The following SHARPIN variants were observed in gnomAD, a reference collection of about 807,000 sequenced individuals.
SHARPIN encodes hSIPL1.
SHARPIN carries 25 observed loss-of-function variants against 40.3 expected under a neutral mutation model. That is an observed-to-expected ratio of 0.62 (90% CI 0.45 to 0.87). The LOEUF is 0.87. Among genes scored for constraint, SHARPIN ranks in the 40% least tolerant of loss-of-function variants. SHARPIN has a pLI of 0.00. For synonymous variants in SHARPIN, 274 were observed against 221.8 expected (o/e 1.24, Z -2.09); for missense variants, 551 against 516.1 (o/e 1.07, Z -0.66).
rs541846780 is a variant in SHARPIN at position 144,098,706 on chromosome 8, A to T, written c.*95T>A. The stretch of plus-strand genomic sequence containing the variant: ...CCCAACCCTGGTGACTGTCCCAGCA[A>T]GCAGTCAGTAGAGGTCCCCGGAGTT... On this transcript the variant is annotated 3_prime_UTR_variant, in exon 9 of 9. Coordinates refer to ENST00000398712, the MANE Select transcript of SHARPIN (RefSeq NM_030974.4). 10 of 522,958 alleles carry T rather than the reference A, an allele frequency of 1.9e-5. No individual in the cohort carries two copies. In the East Asian group the frequency reaches 3.6e-4, roughly 19 times the overall value. 32.4% of individuals were successfully genotyped at this position (522,958 alleles called of 1,614,324 possible).
chr8:144,100,004 G>A lies in SHARPIN; in HGVS notation c.442C>T (p.Pro148Ser), dbSNP rs888441114. The change falls in exon 3 of 9, where the codon CCG (proline) becomes TCG (serine). Residue 148 changes from proline to serine, a missense_variant. Transcript: ENST00000398712. The part of the protein sequence containing the change: ...EACPVSLPSP[P>S]EASTLKGPPP... ...GGGCCCTTGAGTGTGGAGGCTTCCG[G>A]GGGACTGGGCAGGGAGACAGGGCAT... The A allele has an allele frequency of 1.2e-6, 2 of 1,608,068 alleles. No homozygotes were observed. The highest frequency in any genetic ancestry group is 2.7e-5 in the African/African-American group (2 of 74,770).
Position 144,100,083 on chromosome 8 carries a change from A to G in SHARPIN, c.377-14T>C. 6.4e-7 allele frequency: 1 copy of G among 1,558,770 alleles called. No homozygotes were observed. The highest frequency in any genetic ancestry group is 8.7e-7 in the Non-Finnish European group (1 of 1,153,398). The stretch of plus-strand genomic sequence containing the variant: ...TGCTCTTGCTGCCTAGAGGTAAGAT[A>G]TGGGTGTGCTGTGCTGTGGCCTCTG... On this transcript the variant is annotated splice_polypyrimidine_tract_variant and intron_variant, in intron 2 of 8. Coordinates refer to ENST00000398712, the MANE Select transcript of SHARPIN (RefSeq NM_030974.4).
Position 144,100,081 on chromosome 8 carries a change from A to G in SHARPIN, c.377-12T>C. On this transcript the variant is annotated splice_polypyrimidine_tract_variant and intron_variant, in intron 2 of 8. Transcript: ENST00000398712. The stretch of plus-strand genomic sequence containing the variant: ...GTTGCTCTTGCTGCCTAGAGGTAAG[A>G]TATGGGTGTGCTGTGCTGTGGCCTC... 1 of 1,560,536 alleles carries G rather than the reference A, an allele frequency of 6.4e-7. No individual in the cohort carries two copies. Among genetic ancestry groups the G allele is most frequent in the Non-Finnish European group, 8.7e-7 (1 of 1,154,122 alleles).
intron 2 of SHARPIN, among the ~76,000 whole-genome samples, chr8:144,100,416 G>GC (rs2129987385): frequency 6.6e-6 from 1 of 152,364 alleles, no homozygotes; most frequent in East Asian, 1.9e-4. Context: ...AGTCAGGGTG[G>GC]CCTCTTGGAG....
chr8:144,100,837 CCACT>C (rs1007304705), intron 2 of SHARPIN: 2 of 99,856 alleles, frequency 2.0e-5, no homozygotes, highest in African/African-American at 6.7e-5. Flanking sequence ...TTCCCTGCCA[CCACT>C]TTTTTTTTTT....
At position 144,099,937 on chromosome 8, in the gene SHARPIN, G is replaced by A. The variant is rs1402361068; in HGVS notation, c.509C>T (p.Thr170Met). The A allele has an allele frequency of 3.3e-5, 46 of 1,405,648 alleles. No homozygotes were observed. The East Asian group carries it at 5.9e-4, about 18-fold the overall frequency. The allele number at this position is 1,405,648 out of a possible 1,614,324, so 87.1% of individuals were successfully genotyped here. ...ADLPRSPGNL[T>M]EREELAGSLA... ...CCTCCCCCCACCTGTACCTCTCTCC[G>A]TCAAGTTTCCAGGGCTCCTAGGAAG... is the stretch of plus-strand genomic sequence containing the variant. The change falls in exon 3 of 9, where the codon ACG becomes ATG. Residue 170 changes from threonine to methionine, a missense_variant. Thr to Met is a moderately conservative substitution (Grantham distance 81). Coordinates refer to ENST00000398712, the MANE Select transcript of SHARPIN (RefSeq NM_030974.4).
intron 3 of SHARPIN, 35 bp downstream of exon 3, chr8:144,099,893 TC>T (rs771845419): frequency 6.4e-7 from 1 of 1,551,010 alleles, no homozygotes; most frequent in South Asian, 1.1e-5. Flanking sequence ...CTATCTGCTA[TC>T]CCCGAACCCC....
In SHARPIN at chr8:144,098,643, T is replaced by C; in HGVS notation, c.*158A>G. The C allele has an allele frequency of 2.5e-6, 1 of 400,164 alleles. No homozygotes were observed. The highest frequency in any genetic ancestry group is 3.2e-5 in the South Asian group (1 of 31,358). 24.8% of individuals were successfully genotyped at this position (400,164 alleles called of 1,614,324 possible). ...CCATGAAAGGGATGCTTGCTGGCTC[T>C]TAAGGGTCTTTAATGGTTTCATTTT... is the stretch of plus-strand genomic sequence containing the variant. On this transcript the variant is annotated 3_prime_UTR_variant, in exon 9 of 9. Transcript: ENST00000398712.
At position 144,098,750 on chromosome 8, in the gene SHARPIN, G is replaced by A. The variant is rs1836218326; in HGVS notation, c.*51C>T. On this transcript the variant is annotated 3_prime_UTR_variant, in exon 9 of 9. Transcript: ENST00000398712. Reference sequence around the variant, plus strand: ...CGGAGTTCAGTGGGGGCCTGGAGATGTCGGACTTGTGAGGGAAGGGCCACT... The same window carrying A: ...CGGAGTTCAGTGGGGGCCTGGAGATATCGGACTTGTGAGGGAAGGGCCACT... 4.5e-6 allele frequency: 3 copies of A among 671,398 alleles called. No individual in the cohort carries two copies. The highest frequency in any genetic ancestry group is 4.9e-6 in the Non-Finnish European group (2 of 411,370). 41.6% of individuals were successfully genotyped at this position (671,398 alleles called of 1,614,324 possible). A position where few individuals can be genotyped will look rare whatever the true frequency, so the allele number is the denominator to read the frequency against.
chr8:144,098,856 C>A lies in SHARPIN; in HGVS notation c.*12+10G>T. The A allele has an allele frequency of 6.4e-7, 1 of 1,559,346 alleles. No homozygotes were observed. Among genetic ancestry groups the A allele is most frequent in the Non-Finnish European group, 8.7e-7 (1 of 1,154,074 alleles). On this transcript the variant is annotated intron_variant, in intron 8 of 8. Transcript: ENST00000398712. Reference sequence around the variant, plus strand: ...CCCCCCACCTCCCCTGCCTGTGCCACCTCTGGTACCTCTGGTGGCTGCTAG... The same window carrying A: ...CCCCCCACCTCCCCTGCCTGTGCCAACTCTGGTACCTCTGGTGGCTGCTAG...
intron 2 of SHARPIN, among the ~76,000 whole-genome samples, chr8:144,102,113 A>G (rs1315412278): frequency 2.0e-5 from 3 of 152,246 alleles, no homozygotes; most frequent in East Asian, 1.9e-4. Context: ...GCTCATGCCA[A>G]TAACAGCTAC....
intron 2 of SHARPIN, among the ~76,000 whole-genome samples, chr8:144,102,275 C>CTT (rs11433813): frequency 0.013 from 1,793 of 136,634 alleles, 37 homozygotes; most frequent in African/African-American, 0.031. Flanking sequence ...ATTCCATCTT[C>CTT]TTTTTTTTTT....
At chr8:144,102,742 C>T in intron 2 of SHARPIN, 1 of 497,552 alleles carries the variant, frequency 2.0e-6, no homozygotes, top group East Asian at 3.8e-5. Context: ...TCACACAGGT[C>T]CTGACCCTGC....
rs751554369 is a variant in SHARPIN at position 144,099,183 on chromosome 8, G to T, written c.945C>A (p.His315Gln). ...CAAGTTCCCCGTCCATCTTCTGGGGGTGCTGAGGGCTAGGTCCTGTGGCTG... is the reference window on the plus strand; with the variant it reads ...CAAGTTCCCCGTCCATCTTCTGGGGTTGCTGAGGGCTAGGTCCTGTGGCTG... ...EAPATGPSPQ[H>Q]PQKMDGELGR... Residue 315 changes from histidine to glutamine, a missense_variant, in exon 7 of 9, where the codon CAC becomes CAA. His to Gln is a conservative substitution (Grantham distance 24, BLOSUM62 0). Coordinates refer to ENST00000398712, the MANE Select transcript of SHARPIN (RefSeq NM_030974.4). The T allele has an allele frequency of 1.3e-6, 2 of 1,596,580 alleles. No individual in the cohort carries two copies. Among genetic ancestry groups the T allele is most frequent in the Non-Finnish European group, 1.7e-6 (2 of 1,172,770 alleles).
chr8:144,101,893 A>G (rs950929192), intron 2 of SHARPIN, among the ~76,000 whole-genome samples: 2 of 152,146 alleles, frequency 1.3e-5, no homozygotes, highest in African/African-American at 4.8e-5. Flanking sequence ...GTGAATGACT[A>G]AAGAGAGCTT....
rs764107324 is a variant in SHARPIN at position 144,100,043 on chromosome 8, A to G, written c.403T>C (p.Leu135=). 2.4e-5 allele frequency: 38 copies of G among 1,586,444 alleles called. No individual in the cohort carries two copies. The South Asian group carries it at 4.3e-4, about 18-fold the overall frequency. The change falls in exon 3 of 9, where the codon TTG becomes CTG. Residue 135 remains leucine (L), a synonymous_variant. Coordinates refer to ENST00000398712, the MANE Select transcript of SHARPIN (RefSeq NM_030974.4). ...NGSKSNSPPA[L]GPEACPVSLP... is the part of the protein sequence containing the mutation. The stretch of plus-strand genomic sequence containing the variant: ...GAGACAGGGCATGCTTCTGGGCCCA[A>G]GGCTGGTGGTGAGTTGCTCTTGCTG...
At position 144,103,134 on chromosome 8, in the gene SHARPIN, G is replaced by T; in HGVS notation, c.293C>A (p.Thr98Asn). 6.2e-7 allele frequency: 1 copy of T among 1,613,798 alleles called. No individual in the cohort carries two copies. ...ELQPPPGGPG[T>N]LSLHFLNPQE... ...AGGGTTGAGGAAGTGCAGGCTGAGG[G>T]TTCCAGGCCCTCCTGGTGGAGGCTG... The change falls in exon 2 of 9, where the codon ACC becomes AAC. Residue 98 changes from threonine (T) to asparagine (N), a missense_variant. Physicochemically the swap from Thr to Asn is moderately conservative, Grantham distance 65. Coordinates refer to ENST00000398712, the MANE Select transcript of SHARPIN (RefSeq NM_030974.4).
chr8:144,099,395 T>C lies in SHARPIN; in HGVS notation c.804A>G (p.Gln268=). ...FSELGFPPAV[Q]RWVIGRCLCV... ...ACAGGCACCGTCCGATGACCCAGCG[T>C]TGCACGGCTGGCGGGAAACCGAGCT... The change falls in exon 6 of 9, where the codon CAA becomes CAG. Residue 268 remains glutamine, a synonymous_variant. Transcript: ENST00000398712. 1.2e-6 allele frequency: 2 copies of C among 1,613,504 alleles called. No homozygotes were observed. The highest frequency in any genetic ancestry group is 1.7e-6 in the Non-Finnish European group (2 of 1,179,672).
At position 144,102,365 on chromosome 8, in the gene SHARPIN, C is replaced by T. The variant is rs560716966; in HGVS notation, c.376+686G>A. On this transcript the variant is annotated intron_variant, in intron 2 of 8. Transcript: ENST00000398712. The stretch of plus-strand genomic sequence containing the variant: ...CTCAGCTCACTGCAACCTCTGCCTC[C>T]GGGTTCAAGTGATTCTCCTGCCTCA... 8.9e-3 allele frequency among the ~76,000 whole-genome samples: 1,352 copies of T among 151,858 alleles called. 19 individuals are homozygous for T. The highest frequency in any genetic ancestry group is 0.031 in the African/African-American group (1,301 of 41,376).
Sources: gnomAD v4.1 joint callset for allele counts (sites outside exome capture counted in the v4.1 genomes callset) on GRCh38, gnomAD v4.1.1 for gene constraint, MANE v1.5 for transcripts, NCBI Gene and HGNC (gene_info 2026-07-23, HGNC 2026-07-21) for gene names.